Variants in WDHD1 observed in about 807,000 individuals in gnomAD.
WDHD1 encodes WD repeat and HMG-box DNA binding protein 1, also known as WD repeat and HMG-box DNA-binding protein 1.
Under a neutral mutation model 135.4 loss-of-function variants are expected in WDHD1, and 111 were observed. The observed-to-expected ratio is 0.82, with a 90% CI of 0.70 to 0.96. The LOEUF (loss-of-function observed/expected upper bound fraction) is 0.96, where lower values mean the gene tolerates loss of function less well. WDHD1 is among the 40% of genes least tolerant of loss of function. WDHD1 has a pLI of 0.00. For missense variants in WDHD1, 1,351 were observed against 1,336.3 expected (o/e 1.01, Z -0.17); for synonymous variants, 434 against 439.0 (o/e 0.99, Z 0.14).
chr14:55,009,433 ATT>A (rs769487727), intron 4 of WDHD1, among the ~76,000 whole-genome samples: 11 of 144,074 alleles, frequency 7.6e-5, no homozygotes, highest in East Asian at 2.0e-4. Context: ...AAGTAAAATA[ATT>A]TTTTTTTTTT....
At chr14:54,959,152 C>T (rs2041207282) in intron 21 of WDHD1, among the ~76,000 whole-genome samples, 1 of 151,994 alleles carries the variant, frequency 6.6e-6, no homozygotes, top group Admixed American at 6.6e-5. Context: ...GGGAGGACTG[C>T]TTGAGCCCAG....
chr14:54,948,265 C>T (rs8003017), intron 24 of WDHD1, among the ~76,000 whole-genome samples: 5,710 of 152,148 alleles, frequency 0.038, 366 homozygotes, highest in African/African-American at 0.13. Flanking sequence ...TCACCTCACC[C>T]GGGAAGCGCA....
At chr14:54,954,005 G>T (rs2041108832) in intron 24 of WDHD1, among the ~76,000 whole-genome samples, 4 of 151,964 alleles carry the variant, frequency 2.6e-5, no homozygotes, top group Non-Finnish European at 5.9e-5. Flanking sequence ...ATAGCATTAG[G>T]AGATATACCT....
intron 10 of WDHD1, among the ~76,000 whole-genome samples, chr14:54,996,929 C>A (rs1406163482): frequency 6.7e-6 from 1 of 150,088 alleles, no homozygotes; most frequent in African/African-American, 2.5e-5. Context: ...GTAGCTGGGA[C>A]TACAGGCGCA....
chr14:54,988,912 T>A, intron 13 of WDHD1, 116 bp downstream of exon 13: 1 of 949,698 alleles, frequency 1.1e-6, no homozygotes, highest in South Asian at 1.9e-5. Flanking sequence ...CAAACTCTTC[T>A]GAAATTTCAT....
intron 3 of WDHD1, among the ~76,000 whole-genome samples, chr14:55,013,013 A>G (rs1372580500): frequency 1.3e-5 from 2 of 152,046 alleles, no homozygotes; most frequent in Admixed American, 1.3e-4. Flanking sequence ...ATTTTCCTGC[A>G]TTTATTTTAA....
chr14:54,951,151 G>A (rs1226020665), intron 24 of WDHD1, among the ~76,000 whole-genome samples: 1 of 152,068 alleles, frequency 6.6e-6, no homozygotes, highest in African/African-American at 2.4e-5. Context: ...TGAGATCAGA[G>A]CAGAACTGAA....
intron 11 of WDHD1, among the ~76,000 whole-genome samples, chr14:54,994,079 T>C (rs866804421): frequency 1.6e-4 from 25 of 152,216 alleles, no homozygotes; most frequent in African/African-American, 5.8e-4. Context: ...AGCACTCTAT[T>C]TGAAGATTTT....
chr14:54,995,962 T>A, intron 10 of WDHD1, 149 bp from the exon 11 acceptor site: 1 of 605,054 alleles, frequency 1.7e-6, no homozygotes, highest in Non-Finnish European at 2.7e-6. Flanking sequence ...AATGTATTTA[T>A]GAGAATTGTA....
chr14:54,941,627 G>T lies in WDHD1; in HGVS notation c.3253C>A (p.Arg1085Ser), dbSNP rs779514064. The change falls in exon 26 of 26, where the codon CGT becomes AGT. Residue 1085 changes from arginine (R) to serine (S), a missense_variant. Physicochemically the swap from Arg to Ser is moderately radical, Grantham distance 110. Transcript: ENST00000360586. ...GTTTCATCACTTTCATCAACCACACGTTTTCGCTTCTTTGCTTCAGTTCCT... is the reference window on the plus strand; with the variant it reads ...GTTTCATCACTTTCATCAACCACACTTTTTCGCTTCTTTGCTTCAGTTCCT... ...SEGTEAKKRK[R>S]VVDESDETEN... 1 of 1,613,886 alleles carries T rather than the reference G, an allele frequency of 6.2e-7. No individual in the cohort carries two copies. The highest frequency in any genetic ancestry group is 8.5e-7 in the Non-Finnish European group (1 of 1,179,902).
intron 24 of WDHD1, among the ~76,000 whole-genome samples, chr14:54,950,309 C>G (rs1009315078): frequency 6.6e-6 from 1 of 152,024 alleles, no homozygotes; most frequent in Non-Finnish European, 1.5e-5. Flanking sequence ...ATCTACCAAG[C>G]AAATGGAAAA....
intron 7 of WDHD1, among the ~76,000 whole-genome samples, chr14:55,003,509 T>C (rs977867849): frequency 4.0e-5 from 6 of 150,488 alleles, no homozygotes; most frequent in Non-Finnish European, 2.9e-5. Context: ...AGTGAGACCA[T>C]GTCTCAAAAA....
At chr14:54,988,799 T>C (rs762502534) in intron 13 of WDHD1, among the ~76,000 whole-genome samples, 1 of 151,736 alleles carries the variant, frequency 6.6e-6, no homozygotes, top group Non-Finnish European at 1.5e-5. Context: ...TTACTAACTA[T>C]GCCATGTCAT....
Position 54,984,786 on chromosome 14 carries a change from G to T in WDHD1, c.1843C>A (p.His615Asn), listed in dbSNP as rs780246544. ...CTTGTAAGAGGAAGAGGGTCACCAT[G>T]CAAAATTTGTTTTTTCTTTTTCCCC... ...ELGKKKKQIL[H>N]GDPLPLTRKS... The change falls in exon 15 of 26, where the codon CAT becomes AAT. Residue 615 changes from histidine (H) to asparagine (N), a missense_variant. His to Asn is a moderately conservative substitution (Grantham distance 68, BLOSUM62 1). This residue lies in a region of WDHD1 where 1,330 missense variants were observed against 1,296.1 expected (regional missense o/e 1.03). Coordinates refer to ENST00000360586, the MANE Select transcript of WDHD1 (RefSeq NM_007086.4). 12 of 1,613,872 alleles carry T rather than the reference G, an allele frequency of 7.4e-6. No individual in the cohort carries two copies. In the Admixed American group the frequency reaches 2.0e-4, roughly 27 times the overall value.
At chr14:54,962,130 C>T (rs2041262287) in intron 21 of WDHD1, among the ~76,000 whole-genome samples, 1 of 152,208 alleles carries the variant, frequency 6.6e-6, no homozygotes. Flanking sequence ...CCACTGCGCC[C>T]AGCCTTCAAT....
At chr14:55,003,403 C>T (rs1051846934) in intron 7 of WDHD1, among the ~76,000 whole-genome samples, 14 of 151,728 alleles carry the variant, frequency 9.2e-5, no homozygotes, top group South Asian at 2.1e-4. Flanking sequence ...CCCAGCTACT[C>T]GGGTTGGGGG....
chr14:54,981,974 G>A (rs1011371138), intron 15 of WDHD1, among the ~76,000 whole-genome samples: 1 of 151,734 alleles, frequency 6.6e-6, no homozygotes, highest in Admixed American at 6.6e-5. Context: ...CCTGCTGGAA[G>A]ATAATAATAA....
chr14:54,988,840 G>T (rs1004728453), intron 13 of WDHD1, among the ~76,000 whole-genome samples, 188 bp downstream of exon 13: 1 of 152,026 alleles, frequency 6.6e-6, no homozygotes, highest in Admixed American at 6.6e-5. Flanking sequence ...TGTAATGAGG[G>T]AATCATTATG....
Position 54,944,470 on chromosome 14 carries a change from C to T in WDHD1, c.3051G>A (p.Arg1017=). The T allele has an allele frequency of 6.3e-7, 1 of 1,577,856 alleles. No individual in the cohort carries two copies. Among genetic ancestry groups the T allele is most frequent in the Non-Finnish European group, 8.5e-7 (1 of 1,169,880 alleles). Residue 1017 remains arginine, a splice_region_variant and synonymous_variant, in exon 25 of 26, where the codon AGG becomes AGA. Coordinates refer to ENST00000360586, the MANE Select transcript of WDHD1 (RefSeq NM_007086.4). ...ACCACATCTGGAACCCGGTCTTTGG[C>T]CTAAAATCACAATTATGTGAAAACA... The part of the protein sequence containing the change: ...ICPPQNTENQ[R]PKTGFQMWLE...
Sources: gnomAD v4.1 joint callset for allele counts (sites outside exome capture counted in the v4.1 genomes callset) on GRCh38, gnomAD v4.1.1 for gene constraint, gnomAD v4.1.1 regional missense constraint, MANE v1.5 for transcripts, NCBI Gene and HGNC (gene_info 2026-07-23, HGNC 2026-07-21) for gene names.